Variants in CNBD1 observed in about 807,000 individuals in gnomAD.
CNBD1 encodes the protein cyclic nucleotide binding domain containing 1.
Under a neutral mutation model 54.4 loss-of-function variants are expected in CNBD1, and 71 were observed. That is an observed-to-expected ratio of 1.30 (90% CI 1.08 to 1.59). CNBD1 has a LOEUF of 1.59. Ranked by LOEUF, CNBD1 falls within the 40% of genes most tolerant of loss-of-function variation. CNBD1 has a pLI of 0.00. For missense variants in CNBD1, 659 were observed against 518.0 expected, an observed-to-expected ratio of 1.27 and a Z score of -2.64; for synonymous variants, 182 against 170.7, an observed-to-expected ratio of 1.07 and a Z score of -0.51.
At chr8:87,348,592 T>C (rs530533710) in intron 8 of CNBD1, among the ~76,000 whole-genome samples, 1 of 152,312 alleles carries the variant, frequency 6.6e-6, no homozygotes, top group Non-Finnish European at 1.5e-5. Context: ...CAAAGTTGCC[T>C]CGGCATTGTC....
intron 8 of CNBD1, among the ~76,000 whole-genome samples, chr8:87,301,628 A>G (rs556263106): frequency 3.9e-5 from 6 of 152,110 alleles, no homozygotes; most frequent in Non-Finnish European, 5.9e-5. Context: ...ATTAAAAACA[A>G]AAATCACAAC....
At chr8:87,046,719 G>A (rs1468113073) in intron 4 of CNBD1, among the ~76,000 whole-genome samples, 1 of 152,150 alleles carries the variant, frequency 6.6e-6, no homozygotes, top group Non-Finnish European at 1.5e-5. Context: ...AGTCATTTAT[G>A]GTGCCATTTG....
chr8:87,371,012 A>G (rs980073649), intron 10 of CNBD1, among the ~76,000 whole-genome samples: 2 of 150,258 alleles, frequency 1.3e-5, no homozygotes. Flanking sequence ...TGTTTTTCTC[A>G]GGTTTGTCAA....
chr8:87,424,074 G>A (rs1482895432), intron 2 of CNBD1, among the ~76,000 whole-genome samples: 3 of 152,138 alleles, frequency 2.0e-5, no homozygotes, highest in Non-Finnish European at 4.4e-5. Context: ...AGAAGTGTTT[G>A]TAGTATTCTC....
intron 4 of CNBD1, among the ~76,000 whole-genome samples, chr8:87,095,779 TC>T (rs2130686037): frequency 6.6e-6 from 1 of 152,290 alleles, no homozygotes; most frequent in East Asian, 1.9e-4. Flanking sequence ...TGCCTTAGCC[TC>T]CCGAGTAGCT....
chr8:87,303,630 G>A (rs1213457728), intron 8 of CNBD1, among the ~76,000 whole-genome samples: 2 of 146,216 alleles, frequency 1.4e-5, no homozygotes, highest in African/African-American at 5.5e-5. Context: ...AGCCAAAATT[G>A]ACAAATGGGA....
At chr8:87,263,439 G>T in intron 6 of CNBD1, among the ~76,000 whole-genome samples, 1 of 152,026 alleles carries the variant, frequency 6.6e-6, no homozygotes, top group Admixed American at 6.6e-5. Context: ...GGACATGCTG[G>T]CTGGCTTTGG....
At chr8:86,917,099 T>C (rs1259133732) in intron 3 of CNBD1, among the ~76,000 whole-genome samples, 1 of 151,868 alleles carries the variant, frequency 6.6e-6, no homozygotes, top group African/African-American at 2.4e-5. Flanking sequence ...CTTGGTCTCT[T>C]GACATTGTGA....
chr8:87,356,347 A>G (rs1024041100), intron 10 of CNBD1, among the ~76,000 whole-genome samples: 9 of 152,210 alleles, frequency 5.9e-5, no homozygotes, highest in African/African-American at 1.7e-4. Context: ...ATAGTTGTGA[A>G]CAAAATACTG....
chr8:87,329,811 A>T (rs1809780643), intron 8 of CNBD1, among the ~76,000 whole-genome samples: 1 of 151,706 alleles, frequency 6.6e-6, no homozygotes, highest in Admixed American at 6.6e-5. Context: ...ATTCTTTTAG[A>T]TTTTCTATAT....
intron 8 of CNBD1, among the ~76,000 whole-genome samples, chr8:87,298,717 C>G (rs1269752186): frequency 1.3e-5 from 2 of 151,800 alleles, no homozygotes; most frequent in Non-Finnish European, 2.9e-5. Flanking sequence ...AACTCCTGAC[C>G]TTGTGATTTG....
intron 4 of CNBD1, among the ~76,000 whole-genome samples, chr8:87,189,474 T>C (rs901538177): frequency 1.3e-5 from 2 of 152,184 alleles, no homozygotes; most frequent in African/African-American, 4.8e-5. Context: ...ACTATAGTAT[T>C]CTGGTGGGTA....
intron 4 of CNBD1, among the ~76,000 whole-genome samples, chr8:86,949,989 C>T (rs1180428715): frequency 1.2e-5 from 1 of 84,442 alleles, no homozygotes; most frequent in South Asian, 5.4e-4. Flanking sequence ...TGGAGTCTCG[C>T]TCTGTCCCCC....
intron 4 of CNBD1, among the ~76,000 whole-genome samples, chr8:86,967,350 C>T (rs560438291): frequency 6.6e-6 from 1 of 152,338 alleles, no homozygotes; most frequent in South Asian, 2.1e-4. Context: ...TGGCTATAGT[C>T]CTGCCCAGGA....
At chr8:87,136,741 T>TAC in intron 4 of CNBD1, among the ~76,000 whole-genome samples, 2 of 18,720 alleles carry the variant, frequency 1.1e-4, no homozygotes, top group African/African-American at 3.2e-4. Context: ...AATTATATAT[T>TAC]ATATTTATAA....
At chr8:87,363,316 A>G (rs925223674) in intron 10 of CNBD1, among the ~76,000 whole-genome samples, 2 of 152,132 alleles carry the variant, frequency 1.3e-5, no homozygotes, top group African/African-American at 4.8e-5. Flanking sequence ...CTACATGTGC[A>G]TGTGCCTTTA....
rs139080715 is a variant in CNBD1 at position 87,015,199 on chromosome 8, G to A, written c.431+75445G>A. On this transcript the variant is annotated intron_variant, in intron 4 of 10. Transcript: ENST00000518476. ...ACTTTTTGTGGGGGAGGGGGCGAAC[G>A]GAGTCTTGCTGTGTTGCCCAGGCTG... 3.4e-3 allele frequency among the ~76,000 whole-genome samples: 518 copies of A among 152,182 alleles called. 4 individuals are homozygous for A. Among genetic ancestry groups the A allele is most frequent in the African/African-American group, 0.012 (484 of 41,522 alleles).
intron 8 of CNBD1, among the ~76,000 whole-genome samples, chr8:87,346,704 A>G (rs919139965): frequency 7.2e-5 from 11 of 152,154 alleles, no homozygotes; most frequent in African/African-American, 2.7e-4. Flanking sequence ...CATGTATTTC[A>G]TTGAGAGTTT....
intron 4 of CNBD1, among the ~76,000 whole-genome samples, chr8:87,101,888 ATT>A (rs373181788): frequency 1.5e-4 from 21 of 137,342 alleles, no homozygotes; most frequent in African/African-American, 1.9e-4. Context: ...AGTAGATTTA[ATT>A]TTTTTTTTTT....
Sources: allele counts gnomAD v4.1 joint callset (sites outside exome capture counted in the v4.1 genomes callset), GRCh38; gene constraint gnomAD v4.1.1; transcripts MANE v1.5; gene names NCBI Gene and HGNC (gene_info 2026-07-23, HGNC 2026-07-21).